The following NRBP1 variants were observed in gnomAD, a reference collection of about 807,000 sequenced individuals.
NRBP1 encodes the protein nuclear receptor binding protein 1.
NRBP1 carries 10 observed loss-of-function variants against 76.0 expected under a neutral mutation model. The observed-to-expected ratio is 0.13, with a 90% CI of 0.08 to 0.22. NRBP1 has a LOEUF of 0.22. Among genes scored for constraint, NRBP1 ranks in the 10% least tolerant of loss-of-function variants. NRBP1 has a pLI of 1.00. For synonymous variants in NRBP1, 235 were observed against 240.2 expected, an observed-to-expected ratio of 0.98 and a Z score of 0.20; for missense variants, 344 against 646.0, an observed-to-expected ratio of 0.53 and a Z score of 5.07.
At chr2:27,428,819 C>T (rs538584617) in intron 1 of NRBP1, 88 bp downstream of exon 1, 9 of 398,062 alleles carry the variant, frequency 2.3e-5, no homozygotes, top group South Asian at 2.5e-4. Context: ...ACGGTGGGAC[C>T]CGCCAGTCGG....
chr2:27,432,900 A>G (rs1483092382), intron 1 of NRBP1, among the ~76,000 whole-genome samples: 1 of 150,452 alleles, frequency 6.6e-6, no homozygotes, highest in East Asian at 2.0e-4. Context: ...TTTTTTTGAG[A>G]TGGGGTCTTG....
At chr2:27,437,887 A>G (rs1664374900) in intron 10 of NRBP1, among the ~76,000 whole-genome samples, 1 of 146,202 alleles carries the variant, frequency 6.8e-6, no homozygotes, top group South Asian at 2.2e-4. Flanking sequence ...AAAAAGAAAA[A>G]AAAAAAAGTT....
At position 27,441,161 on chromosome 2, in the gene NRBP1, A is replaced by G; in HGVS notation, c.1364A>G (p.Glu455Gly). The part of the protein sequence containing the change: ...VLMQCNIESV[E>G]EGVKHHLTLL... ...ATGCAGTGCAACATTGAGTCGGTGGAGGAGGGAGTCAAACACCACGTAAGG... is the reference window on the plus strand; with the variant it reads ...ATGCAGTGCAACATTGAGTCGGTGGGGGAGGGAGTCAAACACCACGTAAGG... The change falls in exon 15 of 18, where the codon GAG becomes GGG. Residue 455 changes from glutamate (E) to glycine (G), a missense_variant. By Grantham distance (98) the Glu-to-Gly change is moderately conservative. Around this residue, in one of 3 missense-constraint regions of NRBP1, gnomAD observed 218 missense variants for 309.8 expected, o/e 0.70. Coordinates refer to ENST00000379852, the MANE Select transcript of NRBP1 (RefSeq NM_013392.4). The G allele has an allele frequency of 1.2e-6, 2 of 1,613,900 alleles. No homozygotes were observed. The highest frequency in any genetic ancestry group is 1.7e-6 in the Non-Finnish European group (2 of 1,179,982).
Position 27,440,638 on chromosome 2 carries a change from C to A in NRBP1, c.1143-14C>A. 6.2e-7 allele frequency: 1 copy of A among 1,614,038 alleles called. No individual in the cohort carries two copies. Among genetic ancestry groups the A allele is most frequent in the Non-Finnish European group, 8.5e-7 (1 of 1,179,972 alleles). Reference sequence around the variant, plus strand: ...GTTTCTTTCCTTCCATCTCCTTTCTCTTTTCTCGTCCAGGTACTCTCAGTC... The same window carrying A: ...GTTTCTTTCCTTCCATCTCCTTTCTATTTTCTCGTCCAGGTACTCTCAGTC... On this transcript the variant is annotated splice_polypyrimidine_tract_variant and intron_variant, in intron 12 of 17. Coordinates refer to ENST00000379852, the MANE Select transcript of NRBP1 (RefSeq NM_013392.4).
chr2:27,442,023 A>C lies in NRBP1; in HGVS notation c.*211A>C. 1.8e-6 allele frequency: 1 copy of C among 560,380 alleles called. No homozygotes were observed. The highest frequency in any genetic ancestry group is 3.4e-5 in the Admixed American group (1 of 29,342). The allele number at this position is 560,380 out of a possible 1,614,324, so 34.7% of individuals were successfully genotyped here. On this transcript the variant is annotated 3_prime_UTR_variant, in exon 18 of 18. Transcript: ENST00000379852. ...TGCACTTTGTTTACTTGTTTTGCAC[A>C]GACGTGGGCCTGGGCCTTCTCAGCA...
intron 10 of NRBP1, among the ~76,000 whole-genome samples, chr2:27,439,367 C>T (rs1024603914): frequency 6.6e-6 from 1 of 151,802 alleles, no homozygotes. Context: ...CACCTGTAGT[C>T]CCAGCTACTC....
At chr2:27,439,235 A>G (rs2148452694) in intron 10 of NRBP1, among the ~76,000 whole-genome samples, 1 of 152,016 alleles carries the variant, frequency 6.6e-6, no homozygotes, top group East Asian at 1.9e-4. Context: ...TGCCTGTAAT[A>G]CCGGCACTTT....
chr2:27,431,984 G>A (rs188289210), intron 1 of NRBP1: 1 of 152,248 alleles, frequency 6.6e-6, no homozygotes, highest in Non-Finnish European at 1.5e-5. Context: ...GAGTAGCTGG[G>A]ACTACAGGTG....
chr2:27,440,239 C>G (rs1277650091), intron 11 of NRBP1, 164 bp from the exon 12 acceptor site: 1 of 605,720 alleles, frequency 1.7e-6, no homozygotes, highest in Non-Finnish European at 3.0e-6. Context: ...CTTGAACTGG[C>G]GTCAAGTGAT....
At chr2:27,440,018 T>C (rs1295127042) in intron 11 of NRBP1, 120 bp downstream of exon 11, 15 of 409,742 alleles carry the variant, frequency 3.7e-5, no homozygotes, top group South Asian at 2.1e-4. Flanking sequence ...TTTTTTTTTT[T>C]TTTTTTTTTT....
chr2:27,434,367 C>A, intron 4 of NRBP1, 104 bp from the exon 5 acceptor site: 2 of 893,750 alleles, frequency 2.2e-6, no homozygotes, highest in Non-Finnish European at 3.6e-6. Context: ...AAGCTAAGAA[C>A]AAAAGGAGAG....
At chr2:27,430,529 C>T (rs1418028053) in intron 1 of NRBP1, among the ~76,000 whole-genome samples, 3 of 145,678 alleles carry the variant, frequency 2.1e-5, no homozygotes, top group African/African-American at 7.7e-5. Context: ...AGTGCAGTGG[C>T]GCCATCTGGG....
In NRBP1 at chr2:27,433,363, G is replaced by A. The variant is rs764951432; in HGVS notation, c.90G>A (p.Val30=). ...SSSSAPGLTS[V]SPPVTSTTSA... ...CTTCAGCTCCTGGCCTGACATCAGTGTCACCTCCTGTGACCTCCACAACCT... is the reference window on the plus strand; with the variant it reads ...CTTCAGCTCCTGGCCTGACATCAGTATCACCTCCTGTGACCTCCACAACCT... Residue 30 remains valine (V), a synonymous_variant, in exon 2 of 18, where the codon GTG becomes GTA. Coordinates refer to ENST00000379852, the MANE Select transcript of NRBP1 (RefSeq NM_013392.4). The A allele has an allele frequency of 1.9e-6, 3 of 1,614,118 alleles. No individual in the cohort carries two copies. Among genetic ancestry groups the A allele is most frequent in the South Asian group, 1.1e-5 (1 of 91,090 alleles).
At chr2:27,438,273 G>C (rs1359795574) in intron 10 of NRBP1, among the ~76,000 whole-genome samples, 1 of 152,088 alleles carries the variant, frequency 6.6e-6, no homozygotes, top group Non-Finnish European at 1.5e-5. Context: ...CTCTCAGACA[G>C]CCATTTTTAT....
intron 1 of NRBP1, among the ~76,000 whole-genome samples, chr2:27,430,303 C>T (rs1321612666): frequency 2.0e-5 from 3 of 152,004 alleles, no homozygotes; most frequent in Non-Finnish European, 2.9e-5. Context: ...TTGAGTTAAA[C>T]GTAGTGTAGA....
chr2:27,428,927 C>G (rs1171940042), intron 1 of NRBP1, among the ~76,000 whole-genome samples, 196 bp downstream of exon 1: 2 of 151,982 alleles, frequency 1.3e-5, no homozygotes, highest in Non-Finnish European at 2.9e-5. Flanking sequence ...CGCTGCTTAG[C>G]CCTCCCTGGC....
upstream of NRBP1, chr2:27,428,050 C>T (rs1297360114): frequency 6.6e-6 from 1 of 152,160 alleles, no homozygotes; most frequent in East Asian, 1.9e-4. Context: ...TGTCAACTAC[C>T]ATTGAATGAT....
rs546007305 is a variant in NRBP1 at position 27,441,297 on chromosome 2, C to G, written c.1414C>G (p.Leu472Val). 1 of 1,614,158 alleles carries G rather than the reference C, an allele frequency of 6.2e-7. No homozygotes were observed. The highest frequency in any genetic ancestry group is 8.5e-7 in the Non-Finnish European group (1 of 1,180,014). ...LTLLLKLEDK[L>V]NRHLSCDLMP... ...ACTTCTGCTGAAGTTGGAGGACAAA[C>G]TGAACCGGCACCTGAGCTGTGACCT... is the stretch of plus-strand genomic sequence containing the variant. Residue 472 changes from leucine to valine, a missense_variant, in exon 16 of 18, where the codon CTG becomes GTG. Coordinates refer to ENST00000379852, the MANE Select transcript of NRBP1 (RefSeq NM_013392.4).
At chr2:27,438,954 GTC>G (rs1324138751) in intron 10 of NRBP1, among the ~76,000 whole-genome samples, 1 of 152,022 alleles carries the variant, frequency 6.6e-6, no homozygotes, top group African/African-American at 2.4e-5. Flanking sequence ...GCAAGACCCT[GTC>G]TCAGAAAAAA....
Sources: gnomAD v4.1 joint callset for allele counts (sites outside exome capture counted in the v4.1 genomes callset) on GRCh38, gnomAD v4.1.1 for gene constraint, gnomAD v4.1.1 regional missense constraint, MANE v1.5 for transcripts, NCBI Gene and HGNC (gene_info 2026-07-23, HGNC 2026-07-21) for gene names.